Variants in RPS6KA2 observed in about 807,000 individuals in gnomAD.
RPS6KA2 encodes the protein ribosomal protein S6 kinase A2, also known as ribosomal protein S6 kinase alpha-2.
In RPS6KA2, 42 loss-of-function variants were observed where a neutral mutation model predicts 91.8. The observed-to-expected ratio is 0.46, with a 90% CI of 0.36 to 0.59. The LOEUF is 0.59. Ranked by LOEUF, RPS6KA2 falls within the 20% of genes least tolerant of loss-of-function variation. RPS6KA2 has a pLI of 0.00. For missense variants in RPS6KA2, 798 were observed against 978.5 expected (o/e 0.82, Z 2.46); for synonymous variants, 414 against 393.6 (o/e 1.05, Z -0.61).
In RPS6KA2 at chr6:166,637,382, A is replaced by T. The variant is rs7770963; in HGVS notation, c.124-98598T>A. Among the ~76,000 whole-genome samples the T allele has an allele frequency of 5.1e-3, 778 of 152,302 alleles. 11 individuals are homozygous for T. Among genetic ancestry groups the T allele is most frequent in the African/African-American group, 0.018 (740 of 41,562 alleles). On this transcript the variant is annotated intron_variant, in intron 2 of 21. Transcript: ENST00000503859. Reference sequence around the variant, plus strand: ...AGGGTCAGGCTGGGGAAGAGAGGAGATCAGTCGAAGCCCATTCTCTCCCCT... The same window carrying T: ...AGGGTCAGGCTGGGGAAGAGAGGAGTTCAGTCGAAGCCCATTCTCTCCCCT...
chr6:166,693,854 C>T (rs1789283695), intron 2 of RPS6KA2, among the ~76,000 whole-genome samples: 1 of 152,216 alleles, frequency 6.6e-6, no homozygotes, highest in East Asian at 1.9e-4. Flanking sequence ...CAAGCTTAGA[C>T]ACACCCCTTA....
At chr6:166,582,839 T>G (rs1352907077) in intron 1 of RPS6KA2, among the ~76,000 whole-genome samples, 2 of 152,212 alleles carry the variant, frequency 1.3e-5, no homozygotes, top group Non-Finnish European at 2.9e-5. Flanking sequence ...AAAAACCTCT[T>G]GAATAATAAA....
chr6:166,837,862 G>C (rs1459439617), intron 2 of RPS6KA2, among the ~76,000 whole-genome samples: 1 of 152,232 alleles, frequency 6.6e-6, no homozygotes, highest in Non-Finnish European at 1.5e-5. Flanking sequence ...TTACTTGGTT[G>C]GTTGTTTGCT....
chr6:166,657,662 G>C (rs1325493797), intron 2 of RPS6KA2, among the ~76,000 whole-genome samples: 4 of 152,202 alleles, frequency 2.6e-5, no homozygotes, highest in Non-Finnish European at 5.9e-5. Context: ...GGGCCTTGTG[G>C]TTTCTAAGGA....
chr6:166,688,191 G>C (rs1429376354), intron 2 of RPS6KA2, among the ~76,000 whole-genome samples: 5 of 152,188 alleles, frequency 3.3e-5, no homozygotes, highest in Non-Finnish European at 7.4e-5. Context: ...CTGTGGAGCA[G>C]CTGGGGTGCT....
chr6:166,736,562 A>G (rs1055349085), intron 2 of RPS6KA2, among the ~76,000 whole-genome samples: 4 of 152,198 alleles, frequency 2.6e-5, no homozygotes, highest in African/African-American at 9.7e-5. Flanking sequence ...TCAAGATTCC[A>G]TGTCTTAGGG....
At chr6:166,646,982 A>G (rs1314733672) in intron 2 of RPS6KA2, among the ~76,000 whole-genome samples, 1 of 152,134 alleles carries the variant, frequency 6.6e-6, no homozygotes, top group Non-Finnish European at 1.5e-5. Context: ...GCTGACGCCC[A>G]GCCCTCCAGA....
At chr6:166,443,414 G>A (rs1258153539) in intron 14 of RPS6KA2, among the ~76,000 whole-genome samples, 3 of 152,182 alleles carry the variant, frequency 2.0e-5, no homozygotes, top group African/African-American at 7.2e-5. Context: ...TGGTTCTATG[G>A]TGTTATTCAA....
At chr6:166,505,927 C>T (rs1782205227) in intron 5 of RPS6KA2, among the ~76,000 whole-genome samples, 1 of 152,188 alleles carries the variant, frequency 6.6e-6, no homozygotes, top group African/African-American at 2.4e-5. Context: ...GTTTTGTGTA[C>T]AATTTAGGGC....
At chr6:166,532,131 G>A (rs1396491850) in intron 2 of RPS6KA2, among the ~76,000 whole-genome samples, 1 of 152,256 alleles carries the variant, frequency 6.6e-6, no homozygotes, top group East Asian at 1.9e-4. Context: ...GGAGGGCCGA[G>A]GTAGGGTGGC....
chr6:166,539,580 T>C (rs1275253252), intron 1 of RPS6KA2, among the ~76,000 whole-genome samples: 1 of 152,230 alleles, frequency 6.6e-6, no homozygotes, highest in Non-Finnish European at 1.5e-5. Flanking sequence ...CTATAGATTA[T>C]ATTTCAGAAG....
rs139419660 is a variant in RPS6KA2, at chr6:166,490,454, T to C, written c.818+217A>G. Reference sequence around the variant, plus strand: ...ACCAGCAACTGCTCCCTTGACCCACTGTCATTAGAATGCCCAGCACCCTAT... The same window carrying C: ...ACCAGCAACTGCTCCCTTGACCCACCGTCATTAGAATGCCCAGCACCCTAT... On this transcript the variant is annotated intron_variant, in intron 9 of 20. Transcript: ENST00000265678. The surrounding 1 kb of genome is among the most constrained non-coding windows in gnomAD (Gnocchi z 4.2). Among the ~76,000 whole-genome samples the C allele has an allele frequency of 3.8e-3, 586 of 152,344 alleles. 7 individuals are homozygous for C. The highest frequency in any genetic ancestry group is 4.1e-3 in the Non-Finnish European group (276 of 68,024).
At chr6:166,422,711 G>A (rs565481464) in intron 17 of RPS6KA2, among the ~76,000 whole-genome samples, 66 of 152,312 alleles carry the variant, frequency 4.3e-4, no homozygotes, top group Non-Finnish European at 7.5e-4. Flanking sequence ...GCGGGGCTGG[G>A]AGCAGACACA....
intron 3 of RPS6KA2, among the ~76,000 whole-genome samples, chr6:166,517,067 C>T (rs1782670753): frequency 6.6e-6 from 1 of 151,702 alleles, no homozygotes; most frequent in African/African-American, 2.4e-5. Context: ...AGATAGATGT[C>T]TTATATTCAA....
intron 2 of RPS6KA2, among the ~76,000 whole-genome samples, chr6:166,855,417 GGAA>G (rs1274257514): frequency 1.4e-5 from 2 of 142,242 alleles, no homozygotes; most frequent in African/African-American, 5.9e-5. Context: ...AAGAGGAGGA[GGAA>G]GAAGAAGAGG....
intron 10 of RPS6KA2, among the ~76,000 whole-genome samples, chr6:166,477,081 C>T (rs1781005031): frequency 6.6e-6 from 1 of 152,186 alleles, no homozygotes; most frequent in Non-Finnish European, 1.5e-5. Flanking sequence ...TGACTCTGCC[C>T]AGCGGGGTTT....
chr6:166,797,693 G>A (rs554232071), intron 2 of RPS6KA2, among the ~76,000 whole-genome samples: 5 of 152,180 alleles, frequency 3.3e-5, no homozygotes, highest in African/African-American at 7.2e-5. Context: ...TTGCTGTCTC[G>A]GGGTGGCAGA....
rs143938717 is a variant in RPS6KA2, at chr6:166,681,020, C to G, written c.124-142236G>C. Among the ~76,000 whole-genome samples the G allele has an allele frequency of 9.5e-3, 1,446 of 152,344 alleles. 7 individuals are homozygous for G. Among genetic ancestry groups the G allele is most frequent in the Non-Finnish European group, 0.014 (982 of 68,030 alleles). ...CTCTTTTTTAACAGCAGCCGCTTGTCTCTCCCATATCTTCTCACCCCTTCT... is the reference window on the plus strand; with the variant it reads ...CTCTTTTTTAACAGCAGCCGCTTGTGTCTCCCATATCTTCTCACCCCTTCT... On this transcript the variant is annotated intron_variant, in intron 2 of 21. Transcript: ENST00000503859.
chr6:166,687,710 C>T (rs1361349006), intron 2 of RPS6KA2, among the ~76,000 whole-genome samples: 1 of 152,214 alleles, frequency 6.6e-6, no homozygotes, highest in African/African-American at 2.4e-5. Flanking sequence ...GCAAACAGAA[C>T]GTTCAAACAA....
Sources: gnomAD v4.1 joint callset for allele counts (sites outside exome capture counted in the v4.1 genomes callset) on GRCh38, gnomAD v4.1.1 for gene constraint, Gnocchi (gnomAD v3.1) non-coding constraint, MANE v1.5 for transcripts, NCBI Gene and HGNC (gene_info 2026-07-23, HGNC 2026-07-21) for gene names.